Variants in CEP170 observed in about 807,000 individuals in gnomAD.
CEP170 encodes centrosomal protein of 170 kDa.
Under a neutral mutation model 151.9 loss-of-function variants are expected in CEP170, and 21 were observed. The ratio of observed to expected loss-of-function variants is 0.14; its 90% CI spans 0.10 to 0.20. The LOEUF (loss-of-function observed/expected upper bound fraction) is 0.20. Among genes scored for constraint, CEP170 ranks in the 10% least tolerant of loss-of-function variants. CEP170 has a pLI of 1.00. For synonymous variants in CEP170, 356 were observed against 648.8 expected (o/e 0.55, Z 6.86); for missense variants, 964 against 1,892.9 (o/e 0.51, Z 9.11).
At chr1:243,214,440 C>G (rs1212900211) in intron 3 of CEP170, among the ~76,000 whole-genome samples, 1 of 151,732 alleles carries the variant, frequency 6.6e-6, no homozygotes, top group Non-Finnish European at 1.5e-5. Context: ...CACCTGCCGC[C>G]ACGCCTGGCT....
chr1:243,228,585 T>C (rs2063482716), intron 1 of CEP170, among the ~76,000 whole-genome samples: 5 of 152,258 alleles, frequency 3.3e-5, no homozygotes, highest in Admixed American at 2.6e-4. Context: ...AAACACAACA[T>C]GAATAAACAG....
At chr1:243,208,232 G>A (rs867381211) in intron 4 of CEP170, among the ~76,000 whole-genome samples, 1 of 151,758 alleles carries the variant, frequency 6.6e-6, no homozygotes, top group African/African-American at 2.4e-5. Flanking sequence ...CTCCTTTACC[G>A]TTCACCTGAA....
At chr1:243,145,925 C>T (rs1045683919) in intron 14 of CEP170, among the ~76,000 whole-genome samples, 1 of 152,038 alleles carries the variant, frequency 6.6e-6, no homozygotes, top group Admixed American at 6.6e-5. Context: ...TCATGGTTTC[C>T]ACACTATCTA....
chr1:243,156,999 A>C (rs2057621366), intron 13 of CEP170, among the ~76,000 whole-genome samples: 1 of 152,232 alleles, frequency 6.6e-6, no homozygotes, highest in Admixed American at 6.5e-5. Context: ...AGAAAAAAAA[A>C]CATTACCTCT....
intron 6 of CEP170, 105 bp downstream of exon 6, chr1:243,200,413 A>G: frequency 3.1e-6 from 4 of 1,288,494 alleles, no homozygotes; most frequent in Non-Finnish European, 4.3e-6. Context: ...AATTATCACT[A>G]TTATAAATTA....
intron 2 of CEP170, among the ~76,000 whole-genome samples, chr1:243,222,086 ATTAAC>A (rs1013813548): frequency 8.1e-4 from 123 of 152,356 alleles, no homozygotes; most frequent in African/African-American, 2.7e-3. Context: ...CGCTGAATGT[ATTAAC>A]TTAATTTTTT....
At chr1:243,237,569 A>G (rs763114283) in intron 1 of CEP170, among the ~76,000 whole-genome samples, 17 of 152,208 alleles carry the variant, frequency 1.1e-4, no homozygotes, top group South Asian at 2.1e-4. Context: ...ATCTAATCAA[A>G]AGAAAATAAA....
chr1:243,151,655 T>C (rs1324514873), intron 14 of CEP170, among the ~76,000 whole-genome samples: 2 of 152,264 alleles, frequency 1.3e-5, no homozygotes, highest in Middle Eastern at 3.2e-3. Context: ...CCCCCTAACA[T>C]GAAAGTGCAC....
chr1:243,219,398 C>T (rs2062593801), intron 3 of CEP170, among the ~76,000 whole-genome samples: 1 of 152,176 alleles, frequency 6.6e-6, no homozygotes, highest in South Asian at 2.1e-4. Flanking sequence ...TGATAAATAA[C>T]AGATCTGAGT....
At chr1:243,252,728 T>C (rs1307273158) in intron 1 of CEP170, among the ~76,000 whole-genome samples, 3 of 152,114 alleles carry the variant, frequency 2.0e-5, no homozygotes, top group African/African-American at 7.2e-5. Flanking sequence ...TGATTGAATA[T>C]AATCCCACAT....
At chr1:243,142,575 A>G (rs1215404321) in intron 14 of CEP170, 112 bp from the exon 15 acceptor site, 1 of 805,772 alleles carries the variant, frequency 1.2e-6, no homozygotes, top group Non-Finnish European at 1.9e-6. Context: ...AAATATTTGT[A>G]CCCCAAATTA....
intron 1 of CEP170, among the ~76,000 whole-genome samples, chr1:243,252,866 T>C (rs2149214593): frequency 6.6e-6 from 1 of 152,302 alleles, no homozygotes; most frequent in Admixed American, 6.5e-5. Flanking sequence ...AAGCACTTTA[T>C]GGCAAAATCA....
intron 1 of CEP170, among the ~76,000 whole-genome samples, chr1:243,245,454 G>A (rs886440798): frequency 1.3e-5 from 2 of 152,034 alleles, no homozygotes; most frequent in Non-Finnish European, 2.9e-5. Flanking sequence ...GGTGGCTCAC[G>A]CCTGTAATCC....
chr1:243,180,666 T>C (rs754906637), intron 10 of CEP170, among the ~76,000 whole-genome samples: 1 of 152,208 alleles, frequency 6.6e-6, no homozygotes, highest in Non-Finnish European at 1.5e-5. Context: ...CCCTGGCTCT[T>C]ACTTGGATCT....
At chr1:243,248,238 T>C (rs761968801) in intron 1 of CEP170, among the ~76,000 whole-genome samples, 1 of 152,240 alleles carries the variant, frequency 6.6e-6, no homozygotes, top group Non-Finnish European at 1.5e-5. Flanking sequence ...TTAAAGGTGA[T>C]ACAGGGGACT....
intron 4 of CEP170, among the ~76,000 whole-genome samples, chr1:243,203,503 G>A (rs12026408): frequency 0.098 from 14,915 of 152,034 alleles, 957 homozygotes; most frequent in Non-Finnish European, 0.13. Context: ...AAAACAGAGC[G>A]AAACTTTAAA....
chr1:243,255,611 T>C (rs965588845), upstream of CEP170, among the ~76,000 whole-genome samples: 7 of 152,220 alleles, frequency 4.6e-5, no homozygotes, highest in Admixed American at 2.0e-4. Context: ...CTTCTATTTC[T>C]TGAAGATTTA....
At position 243,225,164 on chromosome 1, in the gene CEP170, T is replaced by G; in HGVS notation, c.105+12A>C. 1 of 1,543,882 alleles carries G rather than the reference T, an allele frequency of 6.5e-7. No individual in the cohort carries two copies. Among genetic ancestry groups the G allele is most frequent in the Non-Finnish European group, 8.8e-7 (1 of 1,138,028 alleles). ...TTGAATAAACACATATAGAGAAGCT[T>G]GACACAATTACCTGCAACATGAGCT... On this transcript the variant is annotated intron_variant, in intron 2 of 19. Transcript: ENST00000366542.
intron 1 of CEP170, among the ~76,000 whole-genome samples, chr1:243,228,617 C>G (rs997415404): frequency 6.6e-6 from 1 of 152,072 alleles, no homozygotes; most frequent in Non-Finnish European, 1.5e-5. Flanking sequence ...CACGTTTACT[C>G]AAGGGAACTG....
Sources: allele counts gnomAD v4.1 joint callset (sites outside exome capture counted in the v4.1 genomes callset), GRCh38; gene constraint gnomAD v4.1.1; transcripts MANE v1.5; gene names NCBI Gene and HGNC (gene_info 2026-07-23, HGNC 2026-07-21).